Variants in ADGRV1 observed in about 807,000 individuals in gnomAD.
ADGRV1 encodes adhesion G protein-coupled receptor V1.
In ADGRV1, 359 loss-of-function variants were observed where a neutral mutation model predicts 596.2. That is an observed-to-expected ratio of 0.60 (90% CI 0.55 to 0.66). The LOEUF (loss-of-function observed/expected upper bound fraction) is 0.66. ADGRV1 is among the 30% of genes least tolerant of loss of function. The pLI is 0.00. For missense variants in ADGRV1, 7,274 were observed against 7,575.6 expected, an observed-to-expected ratio of 0.96 and a Z score of 1.48; for synonymous variants, 2,681 against 2,679.2, an observed-to-expected ratio of 1.00 and a Z score of -0.02.
chr5:91,022,411 A>G (rs1048668508), intron 85 of ADGRV1, among the ~76,000 whole-genome samples: 2 of 152,094 alleles, frequency 1.3e-5, no homozygotes, highest in Non-Finnish European at 2.9e-5. Flanking sequence ...AGAGTTTAGT[A>G]TGAACTCCAA....
In ADGRV1 at chr5:90,728,820, CT is replaced by C; in HGVS notation, c.10314del (p.Gly3439AlafsTer29). On this transcript the variant is annotated frameshift_variant, in exon 49 of 90. Coordinates refer to ENST00000405460, the MANE Select transcript of ADGRV1 (RefSeq NM_032119.4). LOFTEE classifies it high-confidence loss of function. ...CTAAACTCCCTTTTATTCAGATGGT[CT>C]GGCAGTGGGTTTATTAACTTTCAAG... is the stretch of plus-strand genomic sequence containing the variant. ...ARLNSLLFRW[S>X]GSGFINFQEV... 1 of 1,613,944 alleles carries C rather than the reference CT, an allele frequency of 6.2e-7. No individual in the cohort carries two copies. Among genetic ancestry groups the C allele is most frequent in the South Asian group, 1.1e-5 (1 of 91,078 alleles).
intron 83 of ADGRV1, among the ~76,000 whole-genome samples, chr5:90,941,928 T>C (rs1432090701): frequency 6.6e-6 from 1 of 152,232 alleles, no homozygotes; most frequent in African/African-American, 2.4e-5. Context: ...TCGGTTTCAA[T>C]TTTTCTTCTC....
chr5:90,911,305 G>A (rs976909552), intron 83 of ADGRV1, among the ~76,000 whole-genome samples: 1 of 152,074 alleles, frequency 6.6e-6, no homozygotes, highest in African/African-American at 2.4e-5. Context: ...GACTTTTTCA[G>A]ACAGACAATG....
intron 83 of ADGRV1, among the ~76,000 whole-genome samples, chr5:90,957,641 T>A (rs958074275): frequency 2.4e-4 from 36 of 148,302 alleles, no homozygotes; most frequent in Non-Finnish European, 8.9e-5. Flanking sequence ...TTTACATATA[T>A]GTATATATAA....
In ADGRV1 at chr5:90,750,690, C is replaced by T. The variant is rs572181833; in HGVS notation, c.11114C>T (p.Ser3705Leu). Residue 3705 changes from serine to leucine, a missense_variant, in exon 53 of 90, where the codon TCA becomes TTA. Around this residue, in one of 5 missense-constraint regions of ADGRV1, gnomAD observed 3,643 missense variants for 3,809.2 expected, o/e 0.96. Coordinates refer to ENST00000405460, the MANE Select transcript of ADGRV1 (RefSeq NM_032119.4). ...AGTATTAGTGATATATTTCCTACCTCAGGAGTGGTATGTAATTTACAAAGT... is the reference window on the plus strand; with the variant it reads ...AGTATTAGTGATATATTTCCTACCTTAGGAGTGGTATGTAATTTACAAAGT... ...DGSISDIFPT[S>L]GVILFTEGQV... 6.2e-7 allele frequency: 1 copy of T among 1,611,102 alleles called. No individual in the cohort carries two copies. The highest frequency in any genetic ancestry group is 1.3e-5 in the African/African-American group (1 of 74,940).
In ADGRV1 at chr5:90,700,776, C is replaced by A. The variant is rs557648953; in HGVS notation, c.8156-2889C>A. On this transcript the variant is annotated intron_variant, in intron 34 of 89. Coordinates refer to ENST00000405460, the MANE Select transcript of ADGRV1 (RefSeq NM_032119.4). ...AACTGTTCTTTTTGACAGTCTGCTTCACATTATTCATATTCCTATAATTGT... is the reference window on the plus strand; with the variant it reads ...AACTGTTCTTTTTGACAGTCTGCTTAACATTATTCATATTCCTATAATTGT... 4.9e-4 allele frequency among the ~76,000 whole-genome samples: 74 copies of A among 152,268 alleles called. 1 individual carries two copies. The highest frequency in any genetic ancestry group is 1.7e-3 in the African/African-American group (71 of 41,558).
chr5:90,665,495 C>A (rs1269674487), intron 21 of ADGRV1, among the ~76,000 whole-genome samples: 4 of 151,748 alleles, frequency 2.6e-5, no homozygotes, highest in Non-Finnish European at 4.4e-5. Context: ...CTATTTGATT[C>A]TTCTCTCTTT....
chr5:90,668,148 C>A (rs928558248), intron 21 of ADGRV1, among the ~76,000 whole-genome samples: 1 of 151,882 alleles, frequency 6.6e-6, no homozygotes, highest in Non-Finnish European at 1.5e-5. Context: ...CCAGTCTGAG[C>A]TTCCAGGCTG....
rs1751615236 is a variant in ADGRV1 at position 90,725,263 on chromosome 5, C to G, written c.10053+31C>G. ...AACATTTTCATTTTTAAATAGATTA[C>G]TTTCTTTAAAAGAAATTAAGATTTG... On this transcript the variant is annotated intron_variant, in intron 47 of 89. Coordinates refer to ENST00000405460, the MANE Select transcript of ADGRV1 (RefSeq NM_032119.4). 4 of 1,183,746 alleles carry G rather than the reference C, an allele frequency of 3.4e-6. No homozygotes were observed. The East Asian group carries it at 1.1e-4, about 33-fold the overall frequency. The allele number at this position is 1,183,746 out of a possible 1,614,324, so 73.3% of individuals were successfully genotyped here.
At chr5:90,617,546 G>C (rs1244191279) in intron 2 of ADGRV1, 1 of 271,858 alleles carries the variant, frequency 3.7e-6, no homozygotes, top group African/African-American at 2.3e-5. Flanking sequence ...CTGACCTCGT[G>C]ATCCGCCCGT....
chr5:90,643,699 C>T, intron 13 of ADGRV1, 104 bp from the exon 14 acceptor site: 1 of 833,074 alleles, frequency 1.2e-6, no homozygotes, highest in Non-Finnish European at 1.8e-6. Context: ...GAGTTATATG[C>T]TTCTGAAACT....
At chr5:90,646,782 T>G (rs1440765278) in intron 16 of ADGRV1, among the ~76,000 whole-genome samples, 2 of 150,780 alleles carry the variant, frequency 1.3e-5, no homozygotes, top group Admixed American at 6.6e-5. Flanking sequence ...CTTCTTTTTT[T>G]TTTTTTTTTT....
chr5:90,841,145 T>C (rs899210823), intron 78 of ADGRV1, among the ~76,000 whole-genome samples, 160 bp downstream of exon 78: 2 of 152,240 alleles, frequency 1.3e-5, no homozygotes, highest in Admixed American at 1.3e-4. Context: ...TATCTGACAC[T>C]GTCCTCTTCC....
intron 85 of ADGRV1, among the ~76,000 whole-genome samples, chr5:90,996,705 G>A (rs184736751): frequency 7.2e-5 from 11 of 152,344 alleles, no homozygotes; most frequent in African/African-American, 2.2e-4. Context: ...GCCTGGAAAA[G>A]CAGCAGGCAC....
intron 75 of ADGRV1, among the ~76,000 whole-genome samples, chr5:90,821,119 C>T (rs372503260): frequency 2.6e-5 from 4 of 152,022 alleles, no homozygotes; most frequent in African/African-American, 9.7e-5. Context: ...TCATTTCTTT[C>T]TATTCTTTTT....
At chr5:91,140,393 G>T (rs1794993804) in intron 87 of ADGRV1, among the ~76,000 whole-genome samples, 2 of 151,856 alleles carry the variant, frequency 1.3e-5, no homozygotes, top group South Asian at 4.2e-4. Context: ...TTTTCAAAAA[G>T]GTAATTAAAG....
At chr5:90,987,871 C>G (rs1469420144) in intron 85 of ADGRV1, among the ~76,000 whole-genome samples, 1 of 152,056 alleles carries the variant, frequency 6.6e-6, no homozygotes, top group East Asian at 1.9e-4. Flanking sequence ...AGGGGAAAAT[C>G]TCCAAGTGTC....
intron 39 of ADGRV1, among the ~76,000 whole-genome samples, chr5:90,709,401 T>A (rs1704926626): frequency 6.6e-6 from 1 of 152,182 alleles, no homozygotes; most frequent in African/African-American, 2.4e-5. Flanking sequence ...ACCTGAGCCT[T>A]GGTACAAACT....
chr5:90,721,286 C>G (rs1241530169), intron 45 of ADGRV1, among the ~76,000 whole-genome samples: 1 of 151,922 alleles, frequency 6.6e-6, no homozygotes, highest in Non-Finnish European at 1.5e-5. Context: ...GGGTGGATCA[C>G]AAGGTCAGGA....
Sources: allele counts gnomAD v4.1 joint callset (sites outside exome capture counted in the v4.1 genomes callset), GRCh38; gene constraint gnomAD v4.1.1; regional missense constraint gnomAD v4.1.1; transcripts MANE v1.5; gene names NCBI Gene and HGNC (gene_info 2026-07-23, HGNC 2026-07-21).